The following KIAA1549 variants were observed in gnomAD, a reference collection of about 807,000 sequenced individuals.
KIAA1549 encodes KIAA1549.
In KIAA1549, 70 loss-of-function variants were observed where a neutral mutation model predicts 156.4. The observed-to-expected ratio is 0.45, with a 90% CI of 0.37 to 0.55. The LOEUF (loss-of-function observed/expected upper bound fraction) is 0.55. Ranked by LOEUF, KIAA1549 falls within the 20% of genes least tolerant of loss-of-function variation. The probability of loss-of-function intolerance (pLI) is 0.00; values close to 1 mark genes in which losing one functional copy is unlikely to be tolerated. For synonymous variants in KIAA1549, 1,103 were observed against 1,066.4 expected (o/e 1.03, Z -0.67); for missense variants, 2,428 against 2,540.9 (o/e 0.96, Z 0.96).
rs771639461 is a variant in KIAA1549, at chr7:138,881,375, G to A, written c.4229+13C>T. Reference sequence around the variant, plus strand: ...TCTGCAACAAAGAATAATACAGAAAGCCCAATAATAACCTTCCTCTGTGAC... The same window carrying A: ...TCTGCAACAAAGAATAATACAGAAAACCCAATAATAACCTTCCTCTGTGAC... On this transcript the variant is annotated intron_variant, in intron 11 of 19. Coordinates refer to ENST00000422774, the MANE Select transcript of KIAA1549 (RefSeq NM_001164665.2). The A allele has an allele frequency of 1.2e-6, 2 of 1,607,856 alleles. No homozygotes were observed. The highest frequency in any genetic ancestry group is 1.7e-6 in the Non-Finnish European group (2 of 1,176,916).
At chr7:138,953,765 C>T (rs745651288) in intron 1 of KIAA1549, among the ~76,000 whole-genome samples, 2 of 152,170 alleles carry the variant, frequency 1.3e-5, no homozygotes, top group Non-Finnish European at 2.9e-5. Context: ...ATCTATCTTC[C>T]ATACAATACA....
Position 138,834,461 on chromosome 7 carries a change from TTTTA to T in KIAA1549, c.*3441_*3444del, listed in dbSNP as rs1809644049. ...ACCGCGCCTGATCTCTTCGAATGAA[TTTTA>T]TTGACACTTAAACCATGTTATTTAT... On this transcript the variant is annotated 3_prime_UTR_variant, in exon 20 of 20. Transcript: ENST00000422774. 9.4e-6 allele frequency: 2 copies of T among 212,752 alleles called. No homozygotes were observed. Among genetic ancestry groups the T allele is most frequent in the Admixed American group, 1.2e-4 (2 of 17,016 alleles). 13.2% of individuals were successfully genotyped at this position (212,752 alleles called of 1,614,324 possible). A position where few individuals can be genotyped will look rare whatever the true frequency, so the allele number is the denominator to read the frequency against.
intron 1 of KIAA1549, among the ~76,000 whole-genome samples, chr7:138,960,365 A>G (rs931230294): frequency 6.7e-6 from 1 of 149,284 alleles, no homozygotes; most frequent in Admixed American, 6.6e-5. Context: ...GCTGGAGTGC[A>G]GTGGCACTAT....
At chr7:138,851,762 C>T (rs1563049255) in intron 17 of KIAA1549, among the ~76,000 whole-genome samples, 1 of 152,206 alleles carries the variant, frequency 6.6e-6, no homozygotes, top group Non-Finnish European at 1.5e-5. Flanking sequence ...AACCTCCAAA[C>T]TCAAAACCTC....
Position 138,918,935 on chromosome 7 carries a change from T to C in KIAA1549, c.691A>G (p.Thr231Ala), listed in dbSNP as rs780477884. ...GAGGTGCGAAAAGCTGACCGAAAGGTGTGGAAATGACTGGCGGACTCAGCA... is the reference window on the plus strand; with the variant it reads ...GAGGTGCGAAAAGCTGACCGAAAGGCGTGGAAATGACTGGCGGACTCAGCA... Reference protein sequence around the residue: ...AYAESASHFHTFRSAFRTSEG... With the variant: ...AYAESASHFHAFRSAFRTSEG... The change falls in exon 2 of 20, where the codon ACC becomes GCC. Residue 231 changes from threonine (T) to alanine (A), a missense_variant. Physicochemically the swap from Thr to Ala is moderately conservative, Grantham distance 58. This residue lies in a region of KIAA1549 where 893 missense variants were observed against 847.9 expected (regional missense o/e 1.05). Transcript: ENST00000422774. This position sits in a 1 kb window ranked among gnomAD's most constrained non-coding sequence, Gnocchi z 4.2. 4 of 1,613,872 alleles carry C rather than the reference T, an allele frequency of 2.5e-6. No homozygotes were observed. The highest frequency in any genetic ancestry group is 2.5e-6 in the Non-Finnish European group (3 of 1,179,868).
In KIAA1549 at chr7:138,844,539, T is replaced by C. The variant is rs972607577; in HGVS notation, c.5295-65A>G. 1.4e-5 allele frequency: 20 copies of C among 1,402,836 alleles called. No homozygotes were observed. The African/African-American group carries it at 2.8e-4, about 20-fold the overall frequency. The allele number at this position is 1,402,836 out of a possible 1,614,324, so 86.9% of individuals were successfully genotyped here. On this transcript the variant is annotated intron_variant, in intron 17 of 19. Transcript: ENST00000422774. ...ACCCTGGCCTTGGTATTCCATGAGG[T>C]CCACCCCCAACCTTACAGAAGGTAA...
At chr7:138,960,971 A>C (rs1184326306) in intron 1 of KIAA1549, among the ~76,000 whole-genome samples, 1 of 152,168 alleles carries the variant, frequency 6.6e-6, no homozygotes, top group Non-Finnish European at 1.5e-5. Context: ...GGGACACTAA[A>C]TGTGTCTTTC....
rs115342432 is a variant in KIAA1549 at position 138,973,114 on chromosome 7, G to A, written c.187+7969C>T. ...TGGGATTACAGGCATGAGCCACCGC[G>A]CCCAGCCCAGTCACTGTATTTTTAC... On this transcript the variant is annotated intron_variant, in intron 1 of 19. Coordinates refer to ENST00000422774, the MANE Select transcript of KIAA1549 (RefSeq NM_001164665.2). 5.3e-3 allele frequency among the ~76,000 whole-genome samples: 807 copies of A among 152,174 alleles called. 7 individuals are homozygous for A. Among genetic ancestry groups the A allele is most frequent in the African/African-American group, 0.019 (786 of 41,482 alleles).
In KIAA1549 at chr7:138,911,281, C is replaced by G. The variant is rs781225945; in HGVS notation, c.3010G>C (p.Gly1004Arg). 1 of 1,601,904 alleles carries G rather than the reference C, an allele frequency of 6.2e-7. No homozygotes were observed. Among genetic ancestry groups the G allele is most frequent in the Non-Finnish European group, 8.5e-7 (1 of 1,173,826 alleles). ...GATATTGCCGTGTAAACGAAAGGAC[C>G]GGATGTTACCAGAAAAGTGAAGTCA... is the stretch of plus-strand genomic sequence containing the variant. The part of the protein sequence containing the change: ...FTDFTFLVTS[G>R]PFVYTAISVI... The change falls in exon 4 of 20, where the codon GGT becomes CGT. Residue 1004 changes from glycine (G) to arginine (R), a missense_variant. This residue lies in a region of KIAA1549 where 762 missense variants were observed against 901.6 expected (regional missense o/e 0.85). Coordinates refer to ENST00000422774, the MANE Select transcript of KIAA1549 (RefSeq NM_001164665.2).
chr7:138,903,679 T>C lies in KIAA1549; in HGVS notation c.3578A>G (p.Glu1193Gly). The C allele has an allele frequency of 1.9e-6, 3 of 1,610,726 alleles. No individual in the cohort carries two copies. In the African/African-American group the frequency reaches 4.0e-5, roughly 21 times the overall value. ...GCTGAGCAGCTGGGCCAGCTTGCGTTCCATCTCGGCTTGAAACACTTCATT... is the reference window on the plus strand; with the variant it reads ...GCTGAGCAGCTGGGCCAGCTTGCGTCCCATCTCGGCTTGAAACACTTCATT... ...LQNEVFQAEM[E>G]RKLAQLLSEV... Residue 1193 changes from glutamate to glycine, a missense_variant, in exon 8 of 20, where the codon GAA becomes GGA. This residue lies in a region of KIAA1549 where 762 missense variants were observed against 901.6 expected (regional missense o/e 0.85). Transcript: ENST00000422774.
intron 10 of KIAA1549, among the ~76,000 whole-genome samples, chr7:138,890,099 C>A (rs1446957779): frequency 6.6e-6 from 1 of 152,224 alleles, no homozygotes; most frequent in Non-Finnish European, 1.5e-5. Context: ...TTCTTTCTCT[C>A]TTTAACATAT....
At chr7:138,845,813 T>C (rs1257272953) in intron 17 of KIAA1549, among the ~76,000 whole-genome samples, 1 of 152,204 alleles carries the variant, frequency 6.6e-6, no homozygotes, top group African/African-American at 2.4e-5. Flanking sequence ...GCTCATTTTA[T>C]CATTAGCAAC....
At chr7:138,933,787 G>GA (rs1216630403) in intron 1 of KIAA1549, among the ~76,000 whole-genome samples, 1 of 152,136 alleles carries the variant, frequency 6.6e-6, no homozygotes, top group African/African-American at 2.4e-5. Flanking sequence ...CCAACATGGC[G>GA]AAAAACCATC....
At chr7:138,884,107 A>G (rs1034302284) in intron 10 of KIAA1549, among the ~76,000 whole-genome samples, 2 of 152,192 alleles carry the variant, frequency 1.3e-5, no homozygotes, top group African/African-American at 4.8e-5. Flanking sequence ...TGATCACCAT[A>G]GCCAAACAGG....
chr7:138,905,485 C>T (rs931445255), intron 6 of KIAA1549, among the ~76,000 whole-genome samples: 1 of 152,258 alleles, frequency 6.6e-6, no homozygotes, highest in Non-Finnish European at 1.5e-5. Flanking sequence ...GTCCGGCATC[C>T]TCATTTTAGC....
At chr7:138,909,333 G>C (rs998104576) in intron 4 of KIAA1549, among the ~76,000 whole-genome samples, 1 of 152,160 alleles carries the variant, frequency 6.6e-6, no homozygotes, top group African/African-American at 2.4e-5. Context: ...ACGGTGACTG[G>C]TATCATTTTA....
In KIAA1549 at chr7:138,911,783, T is replaced by C. The variant is rs140494816; in HGVS notation, c.2968-460A>G. 9.4e-3 allele frequency among the ~76,000 whole-genome samples: 1,429 copies of C among 152,366 alleles called. 14 individuals are homozygous for C. The highest frequency in any genetic ancestry group is 0.031 in the Middle Eastern group (9 of 294). ...ACAAAACACTATTAATGAGATATTC[T>C]ACCCTCCTTTTTTCACTGCATTTTT... On this transcript the variant is annotated intron_variant, in intron 3 of 19. Coordinates refer to ENST00000422774, the MANE Select transcript of KIAA1549 (RefSeq NM_001164665.2).
chr7:138,918,579 G>C lies in KIAA1549; in HGVS notation c.1047C>G (p.His349Gln). Residue 349 changes from histidine to glutamine, a missense_variant, in exon 2 of 20, where the codon CAC becomes CAG. Physicochemically the swap from His to Gln is conservative, Grantham distance 24. Transcript: ENST00000422774. This position sits in a 1 kb window ranked among gnomAD's most constrained non-coding sequence, Gnocchi z 4.2. ...GTGTCCTGCTGAATGCAAGGGCTGC[G>C]TGCGATGCAGTCACAGTGGGGTATG... ...PRTYPTVTAS[H>Q]AALAFSRTHS... The C allele has an allele frequency of 6.2e-7, 1 of 1,614,012 alleles. No homozygotes were observed. The highest frequency in any genetic ancestry group is 8.5e-7 in the Non-Finnish European group (1 of 1,179,890).
chr7:138,892,721 C>T (rs1321703958), intron 10 of KIAA1549, among the ~76,000 whole-genome samples: 1 of 152,118 alleles, frequency 6.6e-6, no homozygotes, highest in African/African-American at 2.4e-5. Flanking sequence ...TCTTTCTTTG[C>T]TTTTACAAAA....
Sources: gnomAD v4.1 joint callset for allele counts (sites outside exome capture counted in the v4.1 genomes callset) on GRCh38, gnomAD v4.1.1 for gene constraint, gnomAD v4.1.1 regional missense constraint, Gnocchi (gnomAD v3.1) non-coding constraint, MANE v1.5 for transcripts, NCBI Gene and HGNC (gene_info 2026-07-23, HGNC 2026-07-21) for gene names.